Variants in CCSER1 observed in about 807,000 individuals in gnomAD.
CCSER1 encodes the protein serine-rich coiled-coil domain-containing protein 1.
A neutral mutation model predicts 82.0 loss-of-function variants in CCSER1; 41 were observed. That is an observed-to-expected ratio of 0.50 (90% CI 0.39 to 0.65). The LOEUF is 0.65. CCSER1 is among the 30% of genes least tolerant of loss of function. CCSER1 has a pLI of 0.00. For synonymous variants in CCSER1, 414 were observed against 383.9 expected (o/e 1.08, Z -0.92); for missense variants, 1,119 against 1,064.2 (o/e 1.05, Z -0.72).
rs778457701 is a variant in CCSER1 at position 91,286,454 on chromosome 4, A to T, written c.2217+200460A>T. The stretch of plus-strand genomic sequence containing the variant: ...ACATTTTTATTTAAATACCAAAATG[A>T]TGCATCATTTATTCAGATACAGTTC... On this transcript the variant is annotated intron_variant, in intron 10 of 10. Transcript: ENST00000509176. 3.9e-5 allele frequency among the ~76,000 whole-genome samples: 6 copies of T among 151,964 alleles called. No homozygotes were observed. In the East Asian group the frequency reaches 5.8e-4, roughly 15 times the overall value.
intron 10 of CCSER1, among the ~76,000 whole-genome samples, chr4:91,286,543 A>G (rs1743291625): frequency 6.6e-6 from 1 of 151,802 alleles, no homozygotes; most frequent in African/African-American, 2.4e-5. Flanking sequence ...ATGAAACTCT[A>G]TCATGTGTTG....
chr4:91,128,434 CAACTA>C (rs1727699894), intron 10 of CCSER1, among the ~76,000 whole-genome samples: 1 of 152,034 alleles, frequency 6.6e-6, no homozygotes. Flanking sequence ...TCTTCCCTCT[CAACTA>C]AAACGACCCC....
At chr4:90,664,842 G>C (rs527427327) in intron 6 of CCSER1, among the ~76,000 whole-genome samples, 1 of 151,904 alleles carries the variant, frequency 6.6e-6, no homozygotes, top group African/African-American at 2.4e-5. Context: ...AGAGATTGTG[G>C]TGAGCCGAGA....
At chr4:90,876,201 A>G (rs1253728554) in intron 8 of CCSER1, among the ~76,000 whole-genome samples, 1 of 152,078 alleles carries the variant, frequency 6.6e-6, no homozygotes, top group Non-Finnish European at 1.5e-5. Context: ...CACTCATCCC[A>G]TTCTTCACTC....
intron 10 of CCSER1, among the ~76,000 whole-genome samples, chr4:91,313,211 CA>C (rs1253275625): frequency 2.0e-5 from 3 of 151,726 alleles, no homozygotes; most frequent in Non-Finnish European, 4.4e-5. Context: ...CTTATAAATT[CA>C]ATTAATATTT....
intron 10 of CCSER1, among the ~76,000 whole-genome samples, chr4:91,167,079 T>C (rs900770003): frequency 2.6e-5 from 4 of 152,172 alleles, no homozygotes; most frequent in African/African-American, 9.6e-5. Context: ...TATTGTCCCC[T>C]AAGTAAATGT....
chr4:90,269,533 A>G (rs1361626047), intron 1 of CCSER1, among the ~76,000 whole-genome samples: 1 of 152,064 alleles, frequency 6.6e-6, no homozygotes, highest in African/African-American at 2.4e-5. Context: ...CAGCAAAGGT[A>G]GTACAAAAAG....
At chr4:91,522,327 G>A (rs113962897) in intron 10 of CCSER1, among the ~76,000 whole-genome samples, 1 of 152,100 alleles carries the variant, frequency 6.6e-6, no homozygotes. Context: ...CCTCAGCTTT[G>A]TTCTTTTTGC....
In CCSER1 at chr4:91,219,255, T is replaced by C. The variant is rs150863406; in HGVS notation, c.2217+133261T>C. ...CCAATCTCACAGATGATTTTTACAC[T>C]GGCCAATTTTCTTTGGGCAAATAAA... On this transcript the variant is annotated intron_variant, in intron 10 of 10. Transcript: ENST00000509176. Among the ~76,000 whole-genome samples the C allele has an allele frequency of 5.5e-3, 833 of 151,344 alleles. 6 individuals carry two copies. Among genetic ancestry groups the C allele is most frequent in the African/African-American group, 0.018 (759 of 41,314 alleles).
chr4:91,453,302 C>T (rs1755969498), intron 10 of CCSER1, among the ~76,000 whole-genome samples: 1 of 151,974 alleles, frequency 6.6e-6, no homozygotes, highest in Non-Finnish European at 1.5e-5. Context: ...ATAACACTGT[C>T]TGCTTGAGAA....
intron 1 of CCSER1, among the ~76,000 whole-genome samples, chr4:90,207,204 T>C (rs1284476997): frequency 6.6e-6 from 1 of 152,084 alleles, no homozygotes; most frequent in Non-Finnish European, 1.5e-5. Flanking sequence ...TTAATATTGT[T>C]ATGTGTGATC....
intron 4 of CCSER1, among the ~76,000 whole-genome samples, chr4:90,454,231 T>G (rs1304419128): frequency 2.0e-5 from 3 of 150,836 alleles, no homozygotes; most frequent in South Asian, 4.2e-4. Context: ...GTTTCATGTT[T>G]TTTTTTTTTT....
At chr4:91,419,407 T>C (rs966763585) in intron 10 of CCSER1, among the ~76,000 whole-genome samples, 1 of 152,060 alleles carries the variant, frequency 6.6e-6, no homozygotes, top group Non-Finnish European at 1.5e-5. Flanking sequence ...ATTCAATTTC[T>C]GAAAAGTTAC....
At chr4:90,603,845 T>G (rs1784312108) in intron 5 of CCSER1, among the ~76,000 whole-genome samples, 2 of 152,092 alleles carry the variant, frequency 1.3e-5, no homozygotes, top group Non-Finnish European at 2.9e-5. Context: ...GAAGCACAAG[T>G]TAGTACTCAA....
intron 9 of CCSER1, among the ~76,000 whole-genome samples, chr4:90,966,377 G>T (rs912015778): frequency 6.6e-6 from 1 of 152,006 alleles, no homozygotes; most frequent in African/African-American, 2.4e-5. Context: ...TCACACAAAA[G>T]TCTCCTCAAA....
rs1398419723 is a variant in CCSER1 at position 91,351,707 on chromosome 4, A to G, written c.2218-246865A>G. ...TCAGATGCTCTTAAGAATGAGAGAG[A>G]ATAATAATAGGCAGAAAACTATTTT... On this transcript the variant is annotated intron_variant, in intron 10 of 10. Transcript: ENST00000509176. 2.0e-5 allele frequency among the ~76,000 whole-genome samples: 3 copies of G among 152,138 alleles called. No individual in the cohort carries two copies. The East Asian group carries it at 5.8e-4, about 29-fold the overall frequency.
chr4:90,330,702 A>G (rs1739124858), intron 3 of CCSER1, among the ~76,000 whole-genome samples: 1 of 152,204 alleles, frequency 6.6e-6, no homozygotes, highest in African/African-American at 2.4e-5. Context: ...AGTCCTGCAT[A>G]ACAAAAGAAG....
chr4:91,096,509 T>G (rs1207567280), intron 10 of CCSER1, among the ~76,000 whole-genome samples: 1 of 152,164 alleles, frequency 6.6e-6, no homozygotes, highest in South Asian at 2.1e-4. Context: ...TAACCAGGAA[T>G]CTATATATGG....
intron 8 of CCSER1, among the ~76,000 whole-genome samples, chr4:90,850,503 T>G (rs1763745769): frequency 6.6e-6 from 1 of 152,232 alleles, no homozygotes; most frequent in Non-Finnish European, 1.5e-5. Context: ...GGAGCCCACT[T>G]CCTGCACCAG....
Sources: allele counts gnomAD v4.1 joint callset (sites outside exome capture counted in the v4.1 genomes callset), GRCh38; gene constraint gnomAD v4.1.1; transcripts MANE v1.5; gene names NCBI Gene and HGNC (gene_info 2026-07-23, HGNC 2026-07-21).